Variants in EPHB1 observed in about 807,000 individuals in gnomAD.
The protein encoded by EPHB1 is ephrin type-B receptor 1.
In EPHB1, 30 loss-of-function variants were observed where a neutral mutation model predicts 94.4. The ratio of observed to expected loss-of-function variants is 0.32; its 90% CI spans 0.24 to 0.43. EPHB1 has a LOEUF of 0.43. Ranked by LOEUF, EPHB1 falls within the 20% of genes least tolerant of loss-of-function variation. EPHB1 has a pLI of 1.00. For missense variants in EPHB1, 1,055 were observed against 1,308.3 expected, an observed-to-expected ratio of 0.81 and a Z score of 2.99; for synonymous variants, 522 against 489.1, an observed-to-expected ratio of 1.07 and a Z score of -0.89.
Position 134,951,099 on chromosome 3 carries a change from C to T in EPHB1, c.124-272C>T, listed in dbSNP as rs1048755555. Among the ~76,000 whole-genome samples the T allele has an allele frequency of 6.6e-6, 1 of 152,144 alleles. No homozygotes were observed. The highest frequency in any genetic ancestry group is 2.1e-4 in the South Asian group (1 of 4,824). On this transcript the variant is annotated intron_variant, in intron 2 of 15. Coordinates refer to ENST00000398015, the MANE Select transcript of EPHB1 (RefSeq NM_004441.5). This position sits in a 1 kb window ranked among gnomAD's most constrained non-coding sequence, Gnocchi z 4.5. ...CCCCATGGATGTAATAAGCTAGTCA[C>T]AGAATGAGCATTATGGGTTAGGCGA...
chr3:135,238,362 G>C (rs992818649), intron 12 of EPHB1, among the ~76,000 whole-genome samples: 1 of 152,192 alleles, frequency 6.6e-6, no homozygotes. Flanking sequence ...GGGCGGCGGT[G>C]ACAGCCCAAG....
intron 15 of EPHB1, among the ~76,000 whole-genome samples, chr3:135,249,759 A>T (rs35944228): frequency 6.6e-6 from 1 of 152,196 alleles, no homozygotes; most frequent in East Asian, 1.9e-4. Flanking sequence ...TCTCTTCCCC[A>T]TTTAAGTTTT....
In EPHB1 at chr3:135,061,370, C is replaced by CCA. The variant is rs201860693; in HGVS notation, c.806-45077_806-45076insAC. Reference sequence around the variant, plus strand: ...TTAGCTCCCACTTAGGAATGACCACCCCCCCCGACCCAAGTCCCCAAAGTC... The same window carrying CCA: ...TTAGCTCCCACTTAGGAATGACCACCCACCCCCCGACCCAAGTCCCCAAAGTC... On this transcript the variant is annotated intron_variant, in intron 3 of 15. Transcript: ENST00000398015. 1.0e-4 allele frequency among the ~76,000 whole-genome samples: 13 copies of CCA among 125,054 alleles called. 1 individual carries two copies. The South Asian group carries it at 2.2e-3, about 21-fold the overall frequency. The allele number at this position is 125,054 out of a possible 152,430, so 82.0% of individuals were successfully genotyped here.
At chr3:135,238,556 G>A (rs1409517861) in intron 12 of EPHB1, among the ~76,000 whole-genome samples, 1 of 152,114 alleles carries the variant, frequency 6.6e-6, no homozygotes, top group African/African-American at 2.4e-5. Flanking sequence ...TCACCTCTTT[G>A]AAATTCAGAA....
chr3:134,997,481 T>G (rs544771171), intron 3 of EPHB1, among the ~76,000 whole-genome samples: 1 of 152,352 alleles, frequency 6.6e-6, no homozygotes, highest in East Asian at 1.9e-4. Flanking sequence ...ATCTTTATTG[T>G]CTGCCTGTGG....
chr3:134,877,423 T>C (rs535520249), intron 1 of EPHB1, among the ~76,000 whole-genome samples: 32 of 152,326 alleles, frequency 2.1e-4, no homozygotes, highest in Non-Finnish European at 3.8e-4. Flanking sequence ...CCTGAAGCTC[T>C]ATCTCTTTGT....
chr3:135,180,190 G>T (rs1045018344), intron 10 of EPHB1, among the ~76,000 whole-genome samples: 4 of 152,184 alleles, frequency 2.6e-5, no homozygotes, highest in African/African-American at 7.2e-5. Flanking sequence ...CCTTGACCAT[G>T]GTGGCCAAGC....
intron 2 of EPHB1, among the ~76,000 whole-genome samples, chr3:134,933,888 T>C (rs1301361855): frequency 6.6e-6 from 1 of 152,154 alleles, no homozygotes; most frequent in Non-Finnish European, 1.5e-5. Flanking sequence ...GTAAGAGACA[T>C]GGGTGGTGTC....
At chr3:134,860,472 C>A (rs1162018842) in intron 1 of EPHB1, among the ~76,000 whole-genome samples, 1 of 152,076 alleles carries the variant, frequency 6.6e-6, no homozygotes, top group Non-Finnish European at 1.5e-5. Context: ...CTATATGCAC[C>A]TTCCACCCTA....
At chr3:135,113,821 A>C (rs1023797343) in intron 4 of EPHB1, among the ~76,000 whole-genome samples, 1 of 152,180 alleles carries the variant, frequency 6.6e-6, no homozygotes, top group Non-Finnish European at 1.5e-5. Context: ...CTCCTGACCC[A>C]TGCCCCTGCC....
At position 134,802,842 on chromosome 3, in the gene EPHB1, C is replaced by G. The variant is rs76179449; in HGVS notation, c.58+7153C>G. 4.8e-3 allele frequency among the ~76,000 whole-genome samples: 735 copies of G among 152,358 alleles called. 8 individuals carry two copies. Among genetic ancestry groups the G allele is most frequent in the African/African-American group, 0.016 (670 of 41,578 alleles). On this transcript the variant is annotated intron_variant, in intron 1 of 15. Coordinates refer to ENST00000398015, the MANE Select transcript of EPHB1 (RefSeq NM_004441.5). ...TCTTATTCATCTGCTCACTCACTCT[C>G]CAGCAAGCATGGAGTGTTAGCTCTG...
chr3:134,952,224 C>T (rs1353488393), intron 3 of EPHB1, among the ~76,000 whole-genome samples, 172 bp downstream of exon 3: 1 of 152,192 alleles, frequency 6.6e-6, no homozygotes, highest in East Asian at 1.9e-4. Flanking sequence ...CAATCATGTC[C>T]AACCAGGTTG....
chr3:135,170,792 C>T (rs1176686127), intron 9 of EPHB1, among the ~76,000 whole-genome samples: 2 of 152,180 alleles, frequency 1.3e-5, no homozygotes, highest in Non-Finnish European at 2.9e-5. Context: ...TGACACCTCC[C>T]TGATTTCTGA....
At chr3:135,258,816 G>A (rs545931296) in intron 15 of EPHB1, among the ~76,000 whole-genome samples, 196 bp from the exon 16 acceptor site, 1 of 152,304 alleles carries the variant, frequency 6.6e-6, no homozygotes, top group African/African-American at 2.4e-5. Flanking sequence ...TAAGCTGGAG[G>A]AAGCATTAGA....
intron 3 of EPHB1, among the ~76,000 whole-genome samples, chr3:135,089,073 G>A (rs1938468666): frequency 6.6e-6 from 1 of 152,216 alleles, no homozygotes; most frequent in Admixed American, 6.5e-5. Flanking sequence ...AGTAGAGTCT[G>A]TAACTGAAGC....
intron 13 of EPHB1, among the ~76,000 whole-genome samples, chr3:135,245,353 A>G (rs940414878): frequency 3.9e-5 from 6 of 152,196 alleles, no homozygotes; most frequent in African/African-American, 1.4e-4. Context: ...TCCAAGGTCT[A>G]TGCACTATGT....
In EPHB1 at chr3:135,259,149, A is replaced by C. The variant is rs774505543; in HGVS notation, c.*29A>C. 2.8e-5 allele frequency: 44 copies of C among 1,559,294 alleles called. No homozygotes were observed. In the South Asian group the frequency reaches 4.9e-4, roughly 17 times the overall value. The stretch of plus-strand genomic sequence containing the variant: ...CTCTTGTTTCTTGGGGAAGGAGAGG[A>C]GGGAAAAGGACCAGGGTCAAGGGGG... On this transcript the variant is annotated 3_prime_UTR_variant, in exon 16 of 16. Coordinates refer to ENST00000398015, the MANE Select transcript of EPHB1 (RefSeq NM_004441.5).
At chr3:134,872,741 T>C (rs2037528613) in intron 1 of EPHB1, among the ~76,000 whole-genome samples, 1 of 152,058 alleles carries the variant, frequency 6.6e-6, no homozygotes, top group African/African-American at 2.4e-5. Flanking sequence ...CCTTAGTACT[T>C]CCCCCTCCCC....
In EPHB1 at chr3:134,795,361, C is replaced by T. The variant is rs965931205; in HGVS notation, c.-271C>T. On this transcript the variant is annotated 5_prime_UTR_variant, in exon 1 of 16. Coordinates refer to ENST00000398015, the MANE Select transcript of EPHB1 (RefSeq NM_004441.5). Reference sequence around the variant, plus strand: ...GCTCTCCCAGGCTCGTTCTCCCTCGCCCTCTCTCTCTCACACACGCACGCA... The same window carrying T: ...GCTCTCCCAGGCTCGTTCTCCCTCGTCCTCTCTCTCTCACACACGCACGCA... 5 of 503,728 alleles carry T rather than the reference C, an allele frequency of 9.9e-6. No homozygotes were observed. The highest frequency in any genetic ancestry group is 4.1e-5 in the African/African-American group (2 of 48,888). 31.2% of individuals were successfully genotyped at this position (503,728 alleles called of 1,614,324 possible). A position where few individuals can be genotyped will look rare whatever the true frequency, so the allele number is the denominator to read the frequency against.
Sources: allele counts gnomAD v4.1 joint callset (sites outside exome capture counted in the v4.1 genomes callset), GRCh38; gene constraint gnomAD v4.1.1; non-coding constraint Gnocchi (gnomAD v3.1); transcripts MANE v1.5; gene names NCBI Gene and HGNC (gene_info 2026-07-23, HGNC 2026-07-21).